The following PDLIM3 variants were observed in gnomAD, a reference collection of about 807,000 sequenced individuals.
PDLIM3 encodes the protein PDZ and LIM domain 3, also known as PDZ and LIM domain protein 3.
PDLIM3 carries 36 observed loss-of-function variants against 37.3 expected under a neutral mutation model. That is an observed-to-expected ratio of 0.97 (90% CI 0.74 to 1.28). The LOEUF (loss-of-function observed/expected upper bound fraction) is 1.28. Among genes scored for constraint, PDLIM3 ranks in the 50% most tolerant of loss-of-function variants. PDLIM3 has a pLI of 0.00. For synonymous variants in PDLIM3, 174 were observed against 182.4 expected (o/e 0.95, Z 0.37); for missense variants, 454 against 485.0 (o/e 0.94, Z 0.60).
Position 185,506,884 on chromosome 4 carries a change from C to T in PDLIM3, c.663-232G>A, listed in dbSNP as rs2095698466. ...GGGGAGTCACACCCACACTCCTCCA[C>T]TTGGCAAAATACTTTGGAAGGAAAC... On this transcript the variant is annotated intron_variant, in intron 5 of 7. Coordinates refer to ENST00000284767, the MANE Select transcript of PDLIM3 (RefSeq NM_014476.6). 3 of 492,982 alleles carry T rather than the reference C, an allele frequency of 6.1e-6. No individual in the cohort carries two copies. In the Admixed American group the frequency reaches 9.9e-5, roughly 16 times the overall value. 30.5% of individuals were successfully genotyped at this position (492,982 alleles called of 1,614,324 possible). A position where few individuals can be genotyped will look rare whatever the true frequency, so the allele number is the denominator to read the frequency against.
At chr4:185,522,805 C>T (rs1032012054) in intron 3 of PDLIM3, among the ~76,000 whole-genome samples, 1 of 56,370 alleles carries the variant, frequency 1.8e-5, no homozygotes, top group African/African-American at 3.1e-5. Context: ...AGAGAAAATC[C>T]TTTATCTTTT....
chr4:185,513,424 G>A (rs1009760790), intron 4 of PDLIM3: 1 of 935,764 alleles, frequency 1.1e-6, no homozygotes, highest in Non-Finnish European at 1.3e-6. Context: ...GGTCACACAT[G>A]TATGAAAATG....
chr4:185,532,335 G>A (rs1038157764), intron 1 of PDLIM3, among the ~76,000 whole-genome samples: 4 of 152,198 alleles, frequency 2.6e-5, no homozygotes, highest in African/African-American at 9.7e-5. Context: ...CTGCCTTCGG[G>A]GAATGTGCAA....
At chr4:185,510,698 G>A (rs971060776) in intron 4 of PDLIM3, among the ~76,000 whole-genome samples, 5 of 152,238 alleles carry the variant, frequency 3.3e-5, no homozygotes, top group African/African-American at 1.2e-4. Flanking sequence ...GTTCAAACCC[G>A]TGTTCTCAGG....
At position 185,502,116 on chromosome 4, in the gene PDLIM3, A is replaced by T; in HGVS notation, c.*178T>A. On this transcript the variant is annotated 3_prime_UTR_variant, in exon 8 of 8. Transcript: ENST00000284767. Reference sequence around the variant, plus strand: ...ATAGCTAAGTGTATGTTTTTTTCACATAGCAGGCATTTGCCTCCCATTCCT... The same window carrying T: ...ATAGCTAAGTGTATGTTTTTTTCACTTAGCAGGCATTTGCCTCCCATTCCT... 1.5e-6 allele frequency: 1 copy of T among 677,862 alleles called. No homozygotes were observed. The highest frequency in any genetic ancestry group is 2.6e-6 in the Non-Finnish European group (1 of 382,906). The allele number at this position is 677,862 out of a possible 1,614,324, so 42.0% of individuals were successfully genotyped here.
rs1346987136 is a variant in PDLIM3, at chr4:185,508,476, C to T, written c.485G>A (p.Gly162Asp). Residue 162 changes from glycine (G) to aspartate (D), a missense_variant, in exon 5 of 8, where the codon GGT (glycine) becomes GAT (aspartate). Gly to Asp is a moderately conservative substitution (Grantham distance 94). Transcript: ENST00000284767. ...SVSTVSTICP[G>D]DLKVAAKLAP... Reference sequence around the variant, plus strand: ...CAGCTTAGCCGCAACTTTCAAGTCACCTGGGCAAATGGTACTAACAGTACT... The same window carrying T: ...CAGCTTAGCCGCAACTTTCAAGTCATCTGGGCAAATGGTACTAACAGTACT... The T allele has an allele frequency of 3.7e-6, 6 of 1,614,054 alleles. No homozygotes were observed. In the African/African-American group the frequency reaches 8.0e-5, roughly 22 times the overall value.
In PDLIM3 at chr4:185,523,366, G is replaced by C. The variant is rs758243142; in HGVS notation, c.326C>G (p.Pro109Arg). The C allele has an allele frequency of 3.7e-6, 6 of 1,601,784 alleles. No individual in the cohort carries two copies. Among genetic ancestry groups the C allele is most frequent in the Non-Finnish European group, 5.1e-6 (6 of 1,169,072 alleles). ...HPFKINLESE[P>R]QDGNYFEHKH... ...CATTTGCTCTAAAACGCATACCTGT[G>C]GTTCTGATTCTAAGTTGATTTTGAA... The change falls in exon 3 of 8, where the codon CCA (proline) becomes CGA (arginine). Residue 109 changes from proline (P) to arginine (R), a missense_variant. Physicochemically the swap from Pro to Arg is moderately radical, Grantham distance 103. Transcript: ENST00000284767.
chr4:185,511,169 C>T (rs11940409), intron 4 of PDLIM3, among the ~76,000 whole-genome samples: 4,545 of 152,282 alleles, frequency 0.03, 224 homozygotes, highest in African/African-American at 0.1. Context: ...CATAGGATTG[C>T]ATTTTATCAT....
intron 1 of PDLIM3, among the ~76,000 whole-genome samples, chr4:185,528,311 C>T (rs2095737765): frequency 6.6e-6 from 1 of 152,170 alleles, no homozygotes; most frequent in African/African-American, 2.4e-5. Context: ...TGAACAATAG[C>T]TTTTCATTAT....
chr4:185,526,984 T>A (rs887230736), intron 1 of PDLIM3, among the ~76,000 whole-genome samples: 5 of 152,248 alleles, frequency 3.3e-5, no homozygotes, highest in African/African-American at 1.2e-4. Context: ...TATGTTTGTT[T>A]ATTTACTCGT....
intron 1 of PDLIM3, among the ~76,000 whole-genome samples, chr4:185,533,841 G>A (rs891580903): frequency 3.9e-5 from 6 of 152,014 alleles, no homozygotes; most frequent in Admixed American, 3.9e-4. Flanking sequence ...CACCTTAAAA[G>A]TTTTCGTGAC....
intron 3 of PDLIM3, chr4:185,516,959 GTTGA>G (rs1430961994): frequency 5.9e-5 from 9 of 152,222 alleles, no homozygotes; most frequent in African/African-American, 2.2e-4. Context: ...CAGCCAAGGA[GTTGA>G]TTAACATTAT....
At position 185,514,859 on chromosome 4, in the gene PDLIM3, C is replaced by A; in HGVS notation, c.331-522G>T. ...AGCTGCAACAAAAGGCTGGGCCCTT[C>A]TGTTGTGCGCGGTACCAATGGGTTT... On this transcript the variant is annotated intron_variant, in intron 3 of 7. Transcript: ENST00000284767. The surrounding 1 kb of genome is among the most constrained non-coding windows in gnomAD (Gnocchi z 4.0). The A allele has an allele frequency of 6.4e-7, 1 of 1,551,626 alleles. No homozygotes were observed. Among genetic ancestry groups the A allele is most frequent in the Non-Finnish European group, 8.7e-7 (1 of 1,146,960 alleles).
At chr4:185,535,006 A>G (rs1399035561) in intron 1 of PDLIM3, among the ~76,000 whole-genome samples, 1 of 152,212 alleles carries the variant, frequency 6.6e-6, no homozygotes, top group Non-Finnish European at 1.5e-5. Flanking sequence ...CTGTTATCAC[A>G]TATAAAACAT....
At position 185,513,287 on chromosome 4, in the gene PDLIM3, A is replaced by G. The variant is rs146649669; in HGVS notation, c.398+983T>C. Reference sequence around the variant, plus strand: ...CACAAGAATTGTCTGGCATATTTTGAGACAATCACCTGGCTCTGCCTGTAG... The same window carrying G: ...CACAAGAATTGTCTGGCATATTTTGGGACAATCACCTGGCTCTGCCTGTAG... On this transcript the variant is annotated intron_variant, in intron 4 of 7. Coordinates refer to ENST00000284767, the MANE Select transcript of PDLIM3 (RefSeq NM_014476.6). 622 of 985,282 alleles carry G rather than the reference A, an allele frequency of 6.3e-4. 5 individuals carry two copies. The African/African-American group carries it at 0.01, about 16-fold the overall frequency. 61.0% of individuals were successfully genotyped at this position (985,282 alleles called of 1,614,324 possible).
chr4:185,529,269 G>A (rs1034367600), intron 1 of PDLIM3, among the ~76,000 whole-genome samples: 4 of 152,140 alleles, frequency 2.6e-5, no homozygotes, highest in African/African-American at 7.2e-5. Flanking sequence ...TTCAACAAGC[G>A]CCTCAGATGA....
chr4:185,525,260 T>C, intron 1 of PDLIM3, 89 bp from the exon 2 acceptor site: 1 of 1,284,404 alleles, frequency 7.8e-7, no homozygotes, highest in East Asian at 2.3e-5. Flanking sequence ...CCTGGTAACA[T>C]TTTAAATGTT....
At chr4:185,529,470 C>T (rs571380352) in intron 1 of PDLIM3, among the ~76,000 whole-genome samples, 1 of 152,342 alleles carries the variant, frequency 6.6e-6, no homozygotes, top group African/African-American at 2.4e-5. Flanking sequence ...CAAGCACACA[C>T]TGAAGCACTG....
intron 1 of PDLIM3, among the ~76,000 whole-genome samples, chr4:185,525,818 G>A (rs2095733092): frequency 6.6e-6 from 1 of 152,156 alleles, no homozygotes; most frequent in African/African-American, 2.4e-5. Flanking sequence ...AATAACAAGT[G>A]AGGTGTCTGC....
Sources: gnomAD v4.1 joint callset for allele counts (sites outside exome capture counted in the v4.1 genomes callset) on GRCh38, gnomAD v4.1.1 for gene constraint, Gnocchi (gnomAD v3.1) non-coding constraint, MANE v1.5 for transcripts, NCBI Gene and HGNC (gene_info 2026-07-23, HGNC 2026-07-21) for gene names.